The following NDUFAF2 variants were observed in gnomAD, a reference collection of about 807,000 sequenced individuals.
The protein encoded by NDUFAF2 is NADH:ubiquinone oxidoreductase complex assembly factor 2.
A neutral mutation model predicts 22.8 loss-of-function variants in NDUFAF2; 13 were observed. The ratio of observed to expected loss-of-function variants is 0.57; its 90% CI spans 0.37 to 0.91. NDUFAF2 has a LOEUF of 0.91. Ranked by LOEUF, NDUFAF2 falls within the 40% of genes least tolerant of loss-of-function variation. The pLI is 0.01. For missense variants in NDUFAF2, 162 were observed against 195.2 expected (o/e 0.83, Z 1.01); for synonymous variants, 53 against 64.2 (o/e 0.83, Z 0.84).
chr5:61,144,655 G>T (rs1361142569), intron 3 of NDUFAF2, among the ~76,000 whole-genome samples: 1 of 152,104 alleles, frequency 6.6e-6, no homozygotes, highest in South Asian at 2.1e-4. Flanking sequence ...AACCTATTCA[G>T]ATATCTCTCA....
intron 3 of NDUFAF2, among the ~76,000 whole-genome samples, chr5:61,143,735 C>G (rs193274482): frequency 7.4e-4 from 113 of 152,164 alleles, no homozygotes; most frequent in African/African-American, 2.6e-3. Flanking sequence ...TGAGCCTTAA[C>G]TTGCTCTTGA....
intron 3 of NDUFAF2, among the ~76,000 whole-genome samples, chr5:61,107,086 CACACAT>C (rs1195496240): frequency 2.0e-5 from 3 of 149,152 alleles, no homozygotes; most frequent in Admixed American, 6.6e-5. Flanking sequence ...CACACACACA[CACACAT>C]ATATGCCTAG....
intron 1 of NDUFAF2, among the ~76,000 whole-genome samples, chr5:60,979,678 C>G (rs1750950435): frequency 6.6e-6 from 1 of 152,124 alleles, no homozygotes; most frequent in Admixed American, 6.5e-5. Flanking sequence ...CCTAAGGTCC[C>G]TAATTCCCAA....
chr5:61,113,130 T>A (rs2111787058), intron 3 of NDUFAF2, among the ~76,000 whole-genome samples: 1 of 152,292 alleles, frequency 6.6e-6, no homozygotes, highest in South Asian at 2.1e-4. Context: ...TAGTTATTAT[T>A]TTTGATCAGT....
intron 1 of NDUFAF2, among the ~76,000 whole-genome samples, chr5:61,062,474 C>G (rs1227349182): frequency 6.6e-6 from 1 of 151,934 alleles, no homozygotes; most frequent in Non-Finnish European, 1.5e-5. Context: ...AGAAAAATAT[C>G]TGTGAATCTG....
At chr5:60,952,449 T>G (rs1282486984) in intron 1 of NDUFAF2, among the ~76,000 whole-genome samples, 1 of 152,116 alleles carries the variant, frequency 6.6e-6, no homozygotes, top group Non-Finnish European at 1.5e-5. Context: ...ATGACCTATG[T>G]ATTTATTTAG....
intron 1 of NDUFAF2, among the ~76,000 whole-genome samples, chr5:60,952,207 G>A: frequency 6.6e-6 from 1 of 151,792 alleles, no homozygotes; most frequent in African/African-American, 2.4e-5. Context: ...ATTGGTTTCA[G>A]AACTTATCGC....
At chr5:60,967,993 C>G (rs1750779799) in intron 1 of NDUFAF2, among the ~76,000 whole-genome samples, 1 of 151,332 alleles carries the variant, frequency 6.6e-6, no homozygotes, top group African/African-American at 2.4e-5. Flanking sequence ...TAATGAGAGA[C>G]TTTATTACTG....
intron 3 of NDUFAF2, among the ~76,000 whole-genome samples, chr5:61,146,651 A>G (rs1221803788): frequency 6.6e-6 from 1 of 151,956 alleles, no homozygotes; most frequent in Non-Finnish European, 1.5e-5. Flanking sequence ...GTATTTAGCA[A>G]TTTGATTTGG....
intron 3 of NDUFAF2, among the ~76,000 whole-genome samples, chr5:61,134,498 A>G (rs201395226): frequency 6.6e-6 from 1 of 152,162 alleles, no homozygotes; most frequent in African/African-American, 2.4e-5. Context: ...ATCCTGGCTA[A>G]CACAGTGAAA....
At position 61,108,131 on chromosome 5, in the gene NDUFAF2, T is replaced by C. The variant is rs113556832; in HGVS notation, c.258+9099T>C. ...GACATTTGGGTTGGTTCCAAGTCTT[T>C]GCTATTGTGAATAGTGCTGCAATAA... is the stretch of plus-strand genomic sequence containing the variant. On this transcript the variant is annotated intron_variant, in intron 3 of 3. Transcript: ENST00000296597. Among the ~76,000 whole-genome samples, 1,051 of 148,896 alleles carry C rather than the reference T, an allele frequency of 7.1e-3. 26 individuals carry two copies. The highest frequency in any genetic ancestry group is 0.026 in the African/African-American group (1,002 of 38,996).
At chr5:60,999,337 G>A (rs1580087577) in intron 1 of NDUFAF2, among the ~76,000 whole-genome samples, 1 of 152,042 alleles carries the variant, frequency 6.6e-6, no homozygotes, top group African/African-American at 2.4e-5. Flanking sequence ...ATGGATGAAT[G>A]AGTAAACAAA....
intron 2 of NDUFAF2, among the ~76,000 whole-genome samples, chr5:61,088,616 TAAGAG>T (rs938352083): frequency 1.2e-3 from 182 of 152,246 alleles, no homozygotes; most frequent in African/African-American, 4.0e-3. Context: ...TCAATAAAGT[TAAGAG>T]AAAAGACAGT....
chr5:61,042,995 G>A (rs1014422064), intron 1 of NDUFAF2, among the ~76,000 whole-genome samples: 10 of 152,160 alleles, frequency 6.6e-5, no homozygotes, highest in Non-Finnish European at 8.8e-5. Flanking sequence ...CAAGGCAGGC[G>A]GATCACTTGA....
At chr5:61,099,894 GA>G (rs1403086214) in intron 3 of NDUFAF2, among the ~76,000 whole-genome samples, 2 of 152,062 alleles carry the variant, frequency 1.3e-5, no homozygotes, top group Admixed American at 1.3e-4. Context: ...CATTTGTTGG[GA>G]AGTGGAGTGC....
intron 3 of NDUFAF2, among the ~76,000 whole-genome samples, chr5:61,112,055 C>A (rs902843707): frequency 1.3e-5 from 2 of 152,026 alleles, no homozygotes; most frequent in Non-Finnish European, 2.9e-5. Flanking sequence ...TGGCTCCTGT[C>A]CTCCAGTTAT....
At chr5:60,949,196 T>G (rs1750507686) in intron 1 of NDUFAF2, among the ~76,000 whole-genome samples, 1 of 152,156 alleles carries the variant, frequency 6.6e-6, no homozygotes, top group Non-Finnish European at 1.5e-5. Flanking sequence ...CATGCTACCT[T>G]TTTGTAGTTA....
intron 2 of NDUFAF2, among the ~76,000 whole-genome samples, chr5:61,084,545 C>A (rs1435553442): frequency 1.3e-5 from 2 of 152,134 alleles, no homozygotes; most frequent in Non-Finnish European, 2.9e-5. Flanking sequence ...ACTCTAAGTA[C>A]GTCATAGAAA....
intron 1 of NDUFAF2, among the ~76,000 whole-genome samples, chr5:61,070,909 C>T (rs1752290065): frequency 7.5e-6 from 1 of 132,828 alleles, no homozygotes; most frequent in African/African-American, 2.7e-5. Context: ...CAATAGTTTT[C>T]CTTTCTATAA....
Sources: gnomAD v4.1 joint callset for allele counts (sites outside exome capture counted in the v4.1 genomes callset) on GRCh38, gnomAD v4.1.1 for gene constraint, MANE v1.5 for transcripts, NCBI Gene and HGNC (gene_info 2026-07-23, HGNC 2026-07-21) for gene names.